Variants in AAK1 observed in about 807,000 individuals in gnomAD.
The protein encoded by AAK1 is AP2 associated kinase 1, also known as AP2-associated protein kinase 1.
Under a neutral mutation model 116.0 loss-of-function variants are expected in AAK1, and 37 were observed. That is an observed-to-expected ratio of 0.32 (90% confidence interval 0.25 to 0.42). The LOEUF is 0.42. Among genes scored for constraint, AAK1 ranks in the 10% least tolerant of loss-of-function variants. The pLI is 1.00. For synonymous variants in AAK1, 458 were observed against 439.9 expected (o/e 1.04, Z -0.51); for missense variants, 919 against 1,170.6 (o/e 0.79, Z 3.14).
intron 2 of AAK1, among the ~76,000 whole-genome samples, chr2:69,584,586 A>G (rs1672685119): frequency 6.6e-6 from 1 of 152,106 alleles, no homozygotes; most frequent in East Asian, 1.9e-4. Context: ...CACTGGTTCT[A>G]ATACAGGACT....
rs1235173550 is a variant in AAK1 at position 69,587,477 on chromosome 2, A to ATTT, written c.164-30502_164-30500dup. On this transcript the variant is annotated intron_variant, in intron 2 of 21. Transcript: ENST00000409085. Reference sequence around the variant, plus strand: ...TATGTGTGTGTATATATATATATATATTTTTTTGATGTCGTTTCGCTCTTG... The same window carrying ATTT: ...TATGTGTGTGTATATATATATATATATTTTTTTTTTGATGTCGTTTCGCTCTTG... Among the ~76,000 whole-genome samples the ATTT allele has an allele frequency of 9.3e-4, 135 of 145,700 alleles. No individual in the cohort carries two copies. In the South Asian group the frequency reaches 0.012, roughly 13 times the overall value.
rs1403892402 is a variant in AAK1, at chr2:69,505,612, G to A, written c.2226C>T (p.Thr742=). 1 of 1,613,678 alleles carries A rather than the reference G, an allele frequency of 6.2e-7. No homozygotes were observed. The highest frequency in any genetic ancestry group is 1.7e-5 in the Admixed American group (1 of 60,010). Reference sequence around the variant, plus strand: ...AGGTCGTAGCAAAAGCATCACCTTGGGTTGATTGAAAGCCTGGGATCAAAC... The same window carrying A: ...AGGTCGTAGCAAAAGCATCACCTTGAGTTGATTGAAAGCCTGGGATCAAAC... The part of the protein sequence containing the change: ...AESLIPGFQS[T]QGDAFATTSF... The change falls in exon 16 of 22, where the codon ACC becomes ACT. Residue 742 remains threonine, a synonymous_variant. Coordinates refer to ENST00000409085, the MANE Select transcript of AAK1 (RefSeq NM_014911.5).
intron 16 of AAK1, among the ~76,000 whole-genome samples, chr2:69,500,698 T>TATATATATATACACACACACACACAC: frequency 3.1e-5 from 2 of 65,102 alleles, no homozygotes; most frequent in African/African-American, 1.6e-4. Flanking sequence ...TATATATATA[T>TATATATATATACACACACACACACAC]ACACACACAC....
At chr2:69,576,739 A>G (rs750412422) in intron 2 of AAK1, among the ~76,000 whole-genome samples, 1 of 152,332 alleles carries the variant, frequency 6.6e-6, no homozygotes, top group African/African-American at 2.4e-5. Context: ...ATCAAAGCCT[A>G]GGTCCACCTG....
chr2:69,601,427 C>T (rs1489906516), intron 2 of AAK1, among the ~76,000 whole-genome samples: 1 of 152,126 alleles, frequency 6.6e-6, no homozygotes, highest in African/African-American at 2.4e-5. Flanking sequence ...ATTGGGACTC[C>T]AATTGACAGC....
chr2:69,485,870 G>C (rs1049636403), intron 17 of AAK1, among the ~76,000 whole-genome samples: 1 of 151,878 alleles, frequency 6.6e-6, no homozygotes, highest in African/African-American at 2.4e-5. Flanking sequence ...TGATGGCCAG[G>C]TTGGTCTCGA....
Position 69,466,958 on chromosome 2 carries a change from G to A in AAK1, c.*8911C>T. On this transcript the variant is annotated 3_prime_UTR_variant, in exon 22 of 22. Coordinates refer to ENST00000409085, the MANE Select transcript of AAK1 (RefSeq NM_014911.5). ...TGGATTATGTAGAAACACTGTCTGG[G>A]GATGACTCAATTCAGAATCTGGCAT... 1 of 985,360 alleles carries A rather than the reference G, an allele frequency of 1.0e-6. No individual in the cohort carries two copies. Among genetic ancestry groups the A allele is most frequent in the Non-Finnish European group, 1.2e-6 (1 of 829,920 alleles). The allele number at this position is 985,360 out of a possible 1,614,324, so 61.0% of individuals were successfully genotyped here.
chr2:69,563,422 G>C (rs542631784), intron 2 of AAK1, among the ~76,000 whole-genome samples: 4 of 152,336 alleles, frequency 2.6e-5, no homozygotes, highest in Non-Finnish European at 5.9e-5. Context: ...TGCTGAGACA[G>C]GGTTTCTGGG....
chr2:69,567,536 C>G (rs1159724043), intron 2 of AAK1, among the ~76,000 whole-genome samples: 1 of 152,080 alleles, frequency 6.6e-6, no homozygotes, highest in African/African-American at 2.4e-5. Context: ...AATGTGTTTG[C>G]TGAGTACCAT....
intron 12 of AAK1, among the ~76,000 whole-genome samples, chr2:69,516,185 T>C (rs1273123545): frequency 2.0e-5 from 3 of 152,132 alleles, no homozygotes; most frequent in African/African-American, 4.8e-5. Context: ...AATAATGTGC[T>C]AAACATTCTA....
chr2:69,530,849 A>AT, intron 6 of AAK1, 143 bp from the exon 7 acceptor site: 5 of 624,044 alleles, frequency 8.0e-6, no homozygotes, highest in Middle Eastern at 8.7e-4. Flanking sequence ...ATTAGTAGAG[A>AT]TAAAATGAAA....
intron 2 of AAK1, among the ~76,000 whole-genome samples, chr2:69,580,554 G>C (rs1672500311): frequency 6.6e-6 from 1 of 152,174 alleles, no homozygotes; most frequent in Non-Finnish European, 1.5e-5. Context: ...AGATGAGAGA[G>C]AGAGAAACAC....
intron 16 of AAK1, among the ~76,000 whole-genome samples, chr2:69,501,491 T>C (rs1489382293): frequency 6.6e-6 from 1 of 152,082 alleles, no homozygotes; most frequent in Admixed American, 6.6e-5. Context: ...AAGGAGGACA[T>C]TGGAATATTT....
At position 69,471,831 on chromosome 2, in the gene AAK1, G is replaced by C. The variant is rs146847509; in HGVS notation, c.*4038C>G. On this transcript the variant is annotated 3_prime_UTR_variant, in exon 22 of 22. Coordinates refer to ENST00000409085, the MANE Select transcript of AAK1 (RefSeq NM_014911.5). ...CAGAACTGTTCCTAACCTGGGGAAG[G>C]TTATATTGGTTGATCAATTATCTGT... 7 of 985,438 alleles carry C rather than the reference G, an allele frequency of 7.1e-6. No homozygotes were observed. The highest frequency in any genetic ancestry group is 1.2e-4 in the Admixed American group (2 of 16,288). 61.0% of individuals were successfully genotyped at this position (985,438 alleles called of 1,614,324 possible).
intron 2 of AAK1, among the ~76,000 whole-genome samples, chr2:69,573,817 T>C (rs537938927): frequency 2.7e-5 from 4 of 150,632 alleles, no homozygotes; most frequent in African/African-American, 9.8e-5. Flanking sequence ...CTGGCCAACA[T>C]AGTGAAACCC....
intron 2 of AAK1, among the ~76,000 whole-genome samples, chr2:69,631,808 C>T (rs1460474609): frequency 6.6e-6 from 1 of 152,058 alleles, no homozygotes; most frequent in Non-Finnish European, 1.5e-5. Flanking sequence ...GGCAAAACTC[C>T]ACCTCTACAA....
chr2:69,469,686 T>C lies in AAK1; in HGVS notation c.*6183A>G, dbSNP rs1462182717. 6 of 985,452 alleles carry C rather than the reference T, an allele frequency of 6.1e-6. No individual in the cohort carries two copies. In the East Asian group the frequency reaches 4.5e-4, roughly 75 times the overall value. 61.0% of individuals were successfully genotyped at this position (985,452 alleles called of 1,614,324 possible). On this transcript the variant is annotated 3_prime_UTR_variant, in exon 22 of 22. Transcript: ENST00000409085. ...CATAGTCTGCACAGGGTCTTACTTA[T>C]CATAGAGCCTAACGTAGGGTTTTGT...
intron 9 of AAK1, 44 bp downstream of exon 9, chr2:69,527,172 A>G: frequency 1.4e-6 from 2 of 1,423,180 alleles, no homozygotes; most frequent in Non-Finnish European, 2.0e-6. Flanking sequence ...TCAAAATGGC[A>G]ATTTGATAAT....
At chr2:69,527,072 G>C in intron 9 of AAK1, 144 bp downstream of exon 9, 1 of 615,356 alleles carries the variant, frequency 1.6e-6, no homozygotes, top group South Asian at 2.1e-5. Flanking sequence ...TATGGCAACT[G>C]CTTCACAGTT....
Sources: gnomAD v4.1 joint callset for allele counts (sites outside exome capture counted in the v4.1 genomes callset) on GRCh38, gnomAD v4.1.1 for gene constraint, MANE v1.5 for transcripts, NCBI Gene and HGNC (gene_info 2026-07-23, HGNC 2026-07-21) for gene names.